The following ERI1 variants were observed in gnomAD, a reference collection of about 807,000 sequenced individuals.
ERI1 encodes 3'-5' exoribonuclease 1.
A neutral mutation model predicts 39.7 loss-of-function variants in ERI1; 39 were observed. The ratio of observed to expected loss-of-function variants is 0.98; its 90% CI spans 0.76 to 1.28. ERI1 has a LOEUF of 1.28. Ranked by LOEUF, ERI1 falls within the 50% of genes most tolerant of loss-of-function variation. The probability of loss-of-function intolerance (pLI) is 0.00; values close to 1 mark genes in which losing one functional copy is unlikely to be tolerated. For synonymous variants in ERI1, 204 were observed against 149.6 expected (o/e 1.36, Z -2.65); for missense variants, 581 against 416.9 (o/e 1.39, Z -3.43).
At chr8:9,099,210 CAACA>C (rs1799973717) in intron 3 of ERI1, among the ~76,000 whole-genome samples, 1 of 152,116 alleles carries the variant, frequency 6.6e-6, no homozygotes, top group Non-Finnish European at 1.5e-5. Flanking sequence ...TCCATCCAAC[CAACA>C]AAGAGTTCTT....
chr8:9,087,688 A>G (rs769010760), intron 3 of ERI1, among the ~76,000 whole-genome samples: 74 of 152,190 alleles, frequency 4.9e-4, no homozygotes, highest in Non-Finnish European at 8.1e-4. Flanking sequence ...ATTTCAATAG[A>G]TAAATTTAGA....
intron 3 of ERI1, among the ~76,000 whole-genome samples, chr8:9,043,675 G>A (rs547031957): frequency 2.2e-4 from 34 of 152,308 alleles, no homozygotes; most frequent in Non-Finnish European, 4.3e-4. Context: ...GTTCAGTCCA[G>A]TGACACACTA....
chr8:9,034,439 T>G (rs892533268), downstream of ERI1, among the ~76,000 whole-genome samples: 1 of 152,254 alleles, frequency 6.6e-6, no homozygotes, highest in Non-Finnish European at 1.5e-5. Context: ...AACAGCATAC[T>G]TTCACTTCAT....
chr8:9,024,453 C>G (rs1016383498), intron 6 of ERI1, among the ~76,000 whole-genome samples: 2 of 151,732 alleles, frequency 1.3e-5, no homozygotes, highest in African/African-American at 2.4e-5. Flanking sequence ...CGGAATCTCA[C>G]TCTGTCATCC....
chr8:9,003,193 G>T, intron 1 of ERI1, 22 bp downstream of exon 1: 2 of 1,229,230 alleles, frequency 1.6e-6, no homozygotes, highest in South Asian at 4.0e-5. Flanking sequence ...ACCCGCGCCT[G>T]GCTGTTGGCG....
At chr8:9,059,930 G>C (rs1798636881) in intron 3 of ERI1, among the ~76,000 whole-genome samples, 1 of 152,114 alleles carries the variant, frequency 6.6e-6, no homozygotes, top group Admixed American at 6.5e-5. Flanking sequence ...AATGAGACTG[G>C]GGCTTAATAA....
intron 3 of ERI1, among the ~76,000 whole-genome samples, chr8:9,098,746 A>T (rs1245052147): frequency 2.0e-5 from 3 of 152,208 alleles, no homozygotes; most frequent in Admixed American, 6.5e-5. Flanking sequence ...TTTAATAAAG[A>T]AATAGAAAAA....
At chr8:9,066,031 T>C (rs556288664) in intron 3 of ERI1, among the ~76,000 whole-genome samples, 1 of 152,194 alleles carries the variant, frequency 6.6e-6, no homozygotes, top group South Asian at 2.1e-4. Flanking sequence ...TGCCTGGCTA[T>C]CCTCCTCATC....
intron 3 of ERI1, among the ~76,000 whole-genome samples, chr8:9,038,549 C>G (rs1416003764): frequency 1.3e-5 from 2 of 152,160 alleles, no homozygotes; most frequent in Admixed American, 6.5e-5. Flanking sequence ...TGCTTGAGCT[C>G]AGTTCTGGAC....
At chr8:9,034,316 T>C (rs893890931), downstream of ERI1, among the ~76,000 whole-genome samples, 1 of 152,268 alleles carries the variant, frequency 6.6e-6, no homozygotes, top group African/African-American at 2.4e-5. Context: ...CTTCATTTTA[T>C]TGCACTTCTC....
At position 9,006,832 on chromosome 8, in the gene ERI1, G is replaced by A. The variant is rs566303031; in HGVS notation, c.109-1138G>A. Among the ~76,000 whole-genome samples the A allele has an allele frequency of 3.8e-4, 58 of 152,264 alleles. No homozygotes were observed. In the South Asian group the frequency reaches 5.2e-3, roughly 14 times the overall value. ...CACCTTACCTAGCATTACATTTCCAGTAAATGTGTGTTGCATTAAATTGAG... is the reference window on the plus strand; with the variant it reads ...CACCTTACCTAGCATTACATTTCCAATAAATGTGTGTTGCATTAAATTGAG... On this transcript the variant is annotated intron_variant, in intron 1 of 6. Transcript: ENST00000250263.
intron 3 of ERI1, chr8:9,048,445 A>G (rs1266208592): frequency 6.5e-6 from 1 of 154,152 alleles, no homozygotes; most frequent in Non-Finnish European, 1.5e-5. Flanking sequence ...AGACAGCCAA[A>G]CTCCTTCTGC....
At position 9,030,981 on chromosome 8, in the gene ERI1, T is replaced by C. The variant is rs1797547997; in HGVS notation, c.*947T>C. The C allele has an allele frequency of 6.6e-6, 1 of 152,204 alleles. No homozygotes were observed. Among genetic ancestry groups the C allele is most frequent in the Non-Finnish European group, 1.5e-5 (1 of 68,022 alleles). 9.4% of individuals were successfully genotyped at this position (152,204 alleles called of 1,614,324 possible). On this transcript the variant is annotated 3_prime_UTR_variant, in exon 7 of 7. Transcript: ENST00000250263. ...TCAATAAAAGACTTGTTTTTCTGAT[T>C]TTACATAGTAAATGGCTGCTAAGTA... is the stretch of plus-strand genomic sequence containing the variant.
Position 9,003,089 on chromosome 8 carries a change from C to CT in ERI1, c.27dup (p.Ala10CysfsTer33). ...ATGGAGGATCCACAGAGTAAAGAGC[C>CT]TGCCGGCGAGGCCGTGGCTCTCGCG... is the stretch of plus-strand genomic sequence containing the variant. On this transcript the variant is annotated frameshift_variant, in exon 1 of 7. Transcript: ENST00000250263. LOFTEE classifies it high-confidence loss of function. 1 of 1,248,200 alleles carries CT rather than the reference C, an allele frequency of 8.0e-7. No homozygotes were observed. Among genetic ancestry groups the CT allele is most frequent in the Non-Finnish European group, 1.0e-6 (1 of 989,244 alleles). The allele number at this position is 1,248,200 out of a possible 1,614,324, so 77.3% of individuals were successfully genotyped here.
downstream of ERI1, among the ~76,000 whole-genome samples, chr8:9,036,985 T>G (rs1797866957): frequency 1.3e-5 from 2 of 152,214 alleles, no homozygotes; most frequent in Admixed American, 1.3e-4. Flanking sequence ...TCCTTTATTG[T>G]CCAGTCACTT....
chr8:9,059,297 G>T (rs1798614609), intron 3 of ERI1, among the ~76,000 whole-genome samples: 1 of 152,094 alleles, frequency 6.6e-6, no homozygotes, highest in Admixed American at 6.6e-5. Context: ...GCTTAGCTTG[G>T]GCTCAGAGGC....
At chr8:9,016,174 G>C (rs926980149) in intron 3 of ERI1, 148 bp from the exon 4 acceptor site, 4 of 420,642 alleles carry the variant, frequency 9.5e-6, no homozygotes, top group Admixed American at 7.6e-5. Context: ...GAGTGCTTTC[G>C]ATGTGGGGAA....
rs972974143 is a variant in ERI1 at position 9,030,381 on chromosome 8, A to G, written c.*347A>G. 2 of 214,222 alleles carry G rather than the reference A, an allele frequency of 9.3e-6. No individual in the cohort carries two copies. The highest frequency in any genetic ancestry group is 9.7e-6 in the Non-Finnish European group (1 of 103,572). The allele number at this position is 214,222 out of a possible 1,614,324, so 13.3% of individuals were successfully genotyped here. A position where few individuals can be genotyped will look rare whatever the true frequency, so the allele number is the denominator to read the frequency against. On this transcript the variant is annotated 3_prime_UTR_variant, in exon 7 of 7. Transcript: ENST00000250263. ...AATGTCATATCTTACTGGTGTTTAAATATGTAATGTGTTTCTTTATTAACA... is the reference window on the plus strand; with the variant it reads ...AATGTCATATCTTACTGGTGTTTAAGTATGTAATGTGTTTCTTTATTAACA...
At chr8:9,016,518 C>A in intron 4 of ERI1, 113 bp downstream of exon 4, 1 of 463,136 alleles carries the variant, frequency 2.2e-6, no homozygotes, top group Non-Finnish European at 3.6e-6. Flanking sequence ...TAATACCTTG[C>A]TTGGTAAAGA....
Sources: allele counts gnomAD v4.1 joint callset (sites outside exome capture counted in the v4.1 genomes callset), GRCh38; gene constraint gnomAD v4.1.1; transcripts MANE v1.5; gene names NCBI Gene and HGNC (gene_info 2026-07-23, HGNC 2026-07-21).